The following CSF2RA variants were observed in gnomAD, a reference collection of about 807,000 sequenced individuals.
The protein encoded by CSF2RA is granulocyte-macrophage colony-stimulating factor receptor subunit alpha.
A neutral mutation model predicts 51.6 loss-of-function variants in CSF2RA; 42 were observed. The ratio of observed to expected loss-of-function variants is 0.81; its 90% CI spans 0.64 to 1.05. The LOEUF is 1.05. Ranked by LOEUF, CSF2RA falls within the 50% of genes least tolerant of loss-of-function variation. The pLI, the probability that CSF2RA is intolerant of heterozygous loss-of-function variation, is 0.00. For synonymous variants in CSF2RA, 222 were observed against 193.0 expected, an observed-to-expected ratio of 1.15 and a Z score of -1.24; for missense variants, 530 against 501.1, an observed-to-expected ratio of 1.06 and a Z score of -0.55.
chrX:1,275,269 T>C (rs1306974383), intron 2 of CSF2RA, among the ~76,000 whole-genome samples: 3 of 151,868 alleles, frequency 2.0e-5, no homozygotes, highest in Non-Finnish European at 2.9e-5. Flanking sequence ...CAGTTGCCTC[T>C]AGTCCCAGCT....
intron 1 of CSF2RA, 130 bp downstream of exon 1, chrX:1,269,009 C>A (rs2087973538): frequency 2.5e-6 from 1 of 393,006 alleles, no homozygotes; most frequent in Non-Finnish European, 5.1e-6. Context: ...TTGGCTCGAG[C>A]CGAAGTGGGG....
chrX:1,300,729 G>A (rs1291420170), intron 10 of CSF2RA, 103 bp downstream of exon 10: 3 of 1,473,984 alleles, frequency 2.0e-6, no homozygotes, highest in East Asian at 2.3e-5. Context: ...ATCGAGTTGA[G>A]CACGTCGCTG....
intron 4 of CSF2RA, among the ~76,000 whole-genome samples, chrX:1,286,597 A>G (rs1265835949): frequency 1.3e-5 from 2 of 152,036 alleles, no homozygotes; most frequent in Non-Finnish European, 2.9e-5. Flanking sequence ...AATAAATTCA[A>G]TTAAATAAAA....
At chrX:1,308,471 G>A (rs2083899913) in intron 12 of CSF2RA, among the ~76,000 whole-genome samples, 1 of 151,974 alleles carries the variant, frequency 6.6e-6, no homozygotes, top group South Asian at 2.1e-4. Context: ...GACTAAGGGT[G>A]AGAGACTTGC....
At chrX:1,289,178 T>C (rs2091096306) in intron 6 of CSF2RA, 3 of 452,990 alleles carry the variant, frequency 6.6e-6, no homozygotes, top group Admixed American at 6.9e-5. Context: ...GGCTGGAGTG[T>C]AGTGATGTGA....
At chrX:1,280,789 T>A in intron 2 of CSF2RA, among the ~76,000 whole-genome samples, 1 of 148,060 alleles carries the variant, frequency 6.8e-6, no homozygotes, top group African/African-American at 2.5e-5. Flanking sequence ...TAGAAGTATA[T>A]TGACATGGAT....
chrX:1,280,395 C>T (rs1160931250), intron 2 of CSF2RA, among the ~76,000 whole-genome samples: 2 of 149,630 alleles, frequency 1.3e-5, no homozygotes, highest in African/African-American at 2.5e-5. Flanking sequence ...CGCTTGAACC[C>T]GGGAGGCGGA....
chrX:1,303,364 T>C, intron 10 of CSF2RA: 1 of 425,446 alleles, frequency 2.4e-6, no homozygotes, highest in Non-Finnish European at 4.2e-6. Flanking sequence ...GACTCCCAGG[T>C]AGATAGGATT....
At chrX:1,321,973 T>C in the CSF2RA span, among the ~76,000 whole-genome samples, 3 of 151,926 alleles carry the variant, frequency 2.0e-5, no homozygotes, top group African/African-American at 4.8e-5. Context: ...CCTTTTCCAC[T>C]AAAAATACAA....
chrX:1,308,373 G>A (rs1450528444), intron 12 of CSF2RA, among the ~76,000 whole-genome samples: 2 of 152,082 alleles, frequency 1.3e-5, no homozygotes, highest in African/African-American at 4.8e-5. Context: ...GAAGGTGAGA[G>A]GGGGAGGAAA....
intron 12 of CSF2RA, among the ~76,000 whole-genome samples, chrX:1,308,713 G>A (rs28449921): frequency 0.073 from 11,125 of 151,898 alleles, 469 homozygotes; most frequent in South Asian, 0.13. Flanking sequence ...CCTCCTCCCC[G>A]GCCCCCGCTT....
chrX:1,305,355 C>A (rs1454623449), intron 11 of CSF2RA, 91 bp from the exon 12 acceptor site: 1 of 1,394,302 alleles, frequency 7.2e-7, no homozygotes, highest in Non-Finnish European at 1.0e-6. Flanking sequence ...GCAGACACCC[C>A]GCACGCAGCA....
At chrX:1,301,796 G>A (rs1399589517) in intron 10 of CSF2RA, among the ~76,000 whole-genome samples, 1 of 150,346 alleles carries the variant, frequency 6.7e-6, no homozygotes, top group African/African-American at 2.4e-5. Context: ...AGTAGAGACA[G>A]GGTTTCACTG....
At chrX:1,307,380 C>A (rs1466530159) in intron 12 of CSF2RA, among the ~76,000 whole-genome samples, 1 of 141,594 alleles carries the variant, frequency 7.1e-6, no homozygotes, top group Non-Finnish European at 1.5e-5. Context: ...TTAGATGAGG[C>A]CCACCATTCC....
chrX:1,284,195 CTTTTTTTTTTT>C lies in CSF2RA; in HGVS notation c.76+1432_76+1442del, dbSNP rs752104115. Among the ~76,000 whole-genome samples, 4 of 91,784 alleles carry C rather than the reference CTTTTTTTTTTT, an allele frequency of 4.4e-5. No individual in the cohort carries two copies. In the East Asian group the frequency reaches 1.2e-3, roughly 28 times the overall value. 60.2% of individuals were successfully genotyped at this position (91,784 alleles called of 152,430 possible). On this transcript the variant is annotated intron_variant, in intron 3 of 12. Transcript: ENST00000381529. ...CAAGCGGTTTTCTTTCTCTGTCTCTCTTTTTTTTTTTTTTTTTTTTTTTTTTGAGACAGGAT... is the reference window on the plus strand; with the variant it reads ...CAAGCGGTTTTCTTTCTCTGTCTCTCTTTTTTTTTTTTTTTGAGACAGGAT...
the CSF2RA span, among the ~76,000 whole-genome samples, chrX:1,323,107 C>A: frequency 2.2e-5 from 3 of 135,192 alleles, no homozygotes; most frequent in East Asian, 2.3e-4. Flanking sequence ...CCAGCCTGAG[C>A]GACAGAGCGA....
chrX:1,277,338 C>T (rs1428848118), intron 2 of CSF2RA, among the ~76,000 whole-genome samples: 4 of 151,952 alleles, frequency 2.6e-5, no homozygotes, highest in African/African-American at 7.3e-5. Flanking sequence ...TGGCTCACAC[C>T]TGTAATCCCA....
At position 1,305,506 on chromosome X, in the gene CSF2RA, T is replaced by C. The variant is rs1276000865; in HGVS notation, c.1104T>C (p.Asp368=). The C allele has an allele frequency of 8.7e-6, 14 of 1,613,822 alleles. No individual in the cohort carries two copies. The highest frequency in any genetic ancestry group is 1.2e-5 in the Non-Finnish European group (14 of 1,179,868). Residue 368 remains aspartate, a synonymous_variant, in exon 12 of 13, where the codon GAT becomes GAC. Transcript: ENST00000381529. ...PVPQIKDKLN[D]NHEVEDEIIW... is the part of the protein sequence containing the mutation. ...CACAGATCAAAGACAAACTGAATGA[T>C]AACCATGAGGTGGAAGACGAGGTAG...
At chrX:1,281,554 C>A (rs1246636570) in intron 2 of CSF2RA, among the ~76,000 whole-genome samples, 1 of 151,430 alleles carries the variant, frequency 6.6e-6, no homozygotes, top group African/African-American at 2.4e-5. Context: ...CTGCACCTTT[C>A]CTCCTCCTCC....
Sources: allele counts gnomAD v4.1 joint callset (sites outside exome capture counted in the v4.1 genomes callset), GRCh38; gene constraint gnomAD v4.1.1; transcripts MANE v1.5; gene names NCBI Gene and HGNC (gene_info 2026-07-23, HGNC 2026-07-21).